The following NAV1 variants were observed in gnomAD, a reference collection of about 807,000 sequenced individuals.
NAV1 encodes neuron navigator 1, also known as pore membrane and/or filament interacting like protein 3.
A neutral mutation model predicts 175.2 loss-of-function variants in NAV1; 18 were observed. That is an observed-to-expected ratio of 0.10 (90% confidence interval 0.07 to 0.15). The LOEUF (loss-of-function observed/expected upper bound fraction) is 0.15. Among genes scored for constraint, NAV1 ranks in the 10% least tolerant of loss-of-function variants. The probability of loss-of-function intolerance (pLI) is 1.00; values close to 1 mark genes in which losing one functional copy is unlikely to be tolerated. For synonymous variants in NAV1, 897 were observed against 978.7 expected (o/e 0.92, Z 1.56); for missense variants, 1,731 against 2,436.6 (o/e 0.71, Z 6.10).
At chr1:201,563,339 C>A (rs576916367) in intron 1 of NAV1, among the ~76,000 whole-genome samples, 6 of 152,252 alleles carry the variant, frequency 3.9e-5, no homozygotes, top group Admixed American at 6.5e-5. Flanking sequence ...GTGCCACTGA[C>A]CCAACACGAT....
chr1:201,735,826 T>C (rs1017304095), intron 3 of NAV1, among the ~76,000 whole-genome samples: 6 of 152,286 alleles, frequency 3.9e-5, no homozygotes, highest in Middle Eastern at 3.4e-3. Flanking sequence ...AGTAGGGTCA[T>C]TGGGGGATCT....
chr1:201,621,138 T>C (rs1478466583), upstream of NAV1, among the ~76,000 whole-genome samples: 2 of 151,976 alleles, frequency 1.3e-5, no homozygotes, highest in Non-Finnish European at 2.9e-5. Flanking sequence ...CAGGCTGGTG[T>C]CAAACTCCTG....
chr1:201,743,954 A>T (rs1673597973), intron 3 of NAV1, among the ~76,000 whole-genome samples: 1 of 152,138 alleles, frequency 6.6e-6, no homozygotes, highest in South Asian at 2.1e-4. Flanking sequence ...GCATGATCTC[A>T]GCTCACCGCA....
chr1:201,782,132 A>G lies in NAV1; in HGVS notation c.1664-44A>G. 3 of 1,500,602 alleles carry G rather than the reference A, an allele frequency of 2.0e-6. No individual in the cohort carries two copies. In the South Asian group the frequency reaches 4.0e-5, roughly 20 times the overall value. 93.0% of individuals were successfully genotyped at this position (1,500,602 alleles called of 1,614,324 possible). A position where few individuals can be genotyped will look rare whatever the true frequency, so the allele number is the denominator to read the frequency against. On this transcript the variant is annotated intron_variant, in intron 5 of 29. Coordinates refer to ENST00000367296, the Ensembl canonical transcript of NAV1. This position sits in a 1 kb window ranked among gnomAD's most constrained non-coding sequence, Gnocchi z 5.4. ...AAAGAAAAGGGTGGGTTTTTAAGAT[A>G]CTGGTCAGTTTCAGCTCTTTTCTCA...
chr1:201,799,076 AAAAAAAAG>A lies in NAV1; in HGVS notation c.3518-4502_3518-4495del, dbSNP rs532669547. Among the ~76,000 whole-genome samples the A allele has an allele frequency of 3.8e-4, 57 of 151,840 alleles. No individual in the cohort carries two copies. In the East Asian group the frequency reaches 6.4e-3, roughly 17 times the overall value. On this transcript the variant is annotated intron_variant, in intron 15 of 29. Coordinates refer to ENST00000367296, the Ensembl canonical transcript of NAV1. Reference sequence around the variant, plus strand: ...ATTCTTAGAAAGTACATCCATCTTCAAAAAAAAGAAAAAAAGAAAAAAGAAAAGAAAGA... The same window carrying A: ...ATTCTTAGAAAGTACATCCATCTTCAAAAAAAAGAAAAAAGAAAAGAAAGA...
At chr1:201,625,648 C>T (rs1389199610) in intron 1 of NAV1, among the ~76,000 whole-genome samples, 2 of 152,196 alleles carry the variant, frequency 1.3e-5, no homozygotes, top group Non-Finnish European at 1.5e-5. Flanking sequence ...GGCAGGCCTT[C>T]CTTTGAATGG....
At chr1:201,648,684 G>C (rs1035999481) in exon 1 of NAV1, 18 of 1,422,752 alleles carry the variant, frequency 1.3e-5, no homozygotes, top group Non-Finnish European at 1.4e-5. Flanking sequence ...GGGCAGCAGC[G>C]TCAAGAGCGT....
chr1:201,817,238 A>G, exon 29 of NAV1: 1 of 1,614,196 alleles, frequency 6.2e-7, no homozygotes, highest in Non-Finnish European at 8.5e-7. Context: ...TCCCGAGGAT[A>G]GGACAGTCAA....
chr1:201,789,596 C>T (rs1447079662), intron 10 of NAV1, 144 bp from the exon 15 acceptor site: 2 of 727,638 alleles, frequency 2.7e-6, no homozygotes, highest in Admixed American at 2.1e-5. Context: ...GTTTTGATAC[C>T]AGCTGGGTTC....
chr1:201,688,764 C>T (rs1266074382), intron 1 of NAV1, among the ~76,000 whole-genome samples: 2 of 152,242 alleles, frequency 1.3e-5, no homozygotes, highest in East Asian at 1.9e-4. Flanking sequence ...TCATTAGCGT[C>T]TCTGGCTGAC....
chr1:201,702,342 A>T (rs1218366603), intron 1 of NAV1, among the ~76,000 whole-genome samples: 1 of 152,172 alleles, frequency 6.6e-6, no homozygotes, highest in Non-Finnish European at 1.5e-5. Flanking sequence ...ACTAAAAACA[A>T]TTGAACTGTA....
intron 3 of NAV1, among the ~76,000 whole-genome samples, chr1:201,726,621 C>T (rs1672615736): frequency 7.1e-6 from 1 of 140,568 alleles, no homozygotes; most frequent in Admixed American, 8.0e-5. Context: ...CCACTCCAGC[C>T]TGGGCAACAA....
intron 3 of NAV1, among the ~76,000 whole-genome samples, chr1:201,730,239 T>C (rs1034795370): frequency 2.6e-5 from 4 of 152,258 alleles, no homozygotes; most frequent in Non-Finnish European, 5.9e-5. Context: ...CATTATCTTA[T>C]TTAATGTTAA....
chr1:201,808,214 CAGG>C lies in NAV1; in HGVS notation c.3845+69_3845+71del. On this transcript the variant is annotated intron_variant, in intron 18 of 29. Transcript: ENST00000367296. The surrounding 1 kb of genome is among the most constrained non-coding windows in gnomAD (Gnocchi z 5.5). Reference sequence around the variant, plus strand: ...AGTGTAAGCTGTGGGCTAGAGTTGACAGGAGGCCATTAGACCTTAGACAAGCAG... The same window carrying C: ...AGTGTAAGCTGTGGGCTAGAGTTGACAGGCCATTAGACCTTAGACAAGCAG... The C allele has an allele frequency of 6.4e-7, 1 of 1,572,972 alleles. No individual in the cohort carries two copies. The highest frequency in any genetic ancestry group is 1.1e-5 in the South Asian group (1 of 88,072).
At chr1:201,667,746 A>G (rs185834658) in intron 1 of NAV1, among the ~76,000 whole-genome samples, 1 of 152,180 alleles carries the variant, frequency 6.6e-6, no homozygotes, top group Non-Finnish European at 1.5e-5. Context: ...CCTCATAAAT[A>G]TGCTTTTAAA....
intron 2 of NAV1, among the ~76,000 whole-genome samples, chr1:201,610,421 A>T (rs926418745): frequency 1.3e-5 from 2 of 152,216 alleles, no homozygotes; most frequent in African/African-American, 2.4e-5. Context: ...ACAAGCCCCT[A>T]GAATGGAGAA....
intron 1 of NAV1, among the ~76,000 whole-genome samples, chr1:201,562,592 A>G (rs1666233268): frequency 6.6e-6 from 1 of 152,206 alleles, no homozygotes; most frequent in Non-Finnish European, 1.5e-5. Flanking sequence ...ATGGTCTGAA[A>G]GGATCCCGGC....
chr1:201,603,127 C>T (rs1667571401), intron 2 of NAV1, among the ~76,000 whole-genome samples: 1 of 152,192 alleles, frequency 6.6e-6, no homozygotes, highest in Non-Finnish European at 1.5e-5. Context: ...AAATTGCTCT[C>T]TGAGTACAGA....
chr1:201,739,001 T>TC (rs1238806274), intron 3 of NAV1, among the ~76,000 whole-genome samples: 4 of 151,818 alleles, frequency 2.6e-5, no homozygotes, highest in African/African-American at 9.7e-5. Flanking sequence ...GCAGGCTAAT[T>TC]CCCCCCACAG....
Sources: allele counts gnomAD v4.1 joint callset (sites outside exome capture counted in the v4.1 genomes callset), GRCh38; gene constraint gnomAD v4.1.1; non-coding constraint Gnocchi (gnomAD v3.1); transcripts MANE v1.5; gene names NCBI Gene and HGNC (gene_info 2026-07-23, HGNC 2026-07-21).